The following DMD variants were observed in gnomAD, a reference collection of about 807,000 sequenced individuals.
The protein encoded by DMD is mutant dystrophin.
Under a neutral mutation model 330.1 loss-of-function variants are expected in DMD, and 63 were observed. The ratio of observed to expected loss-of-function variants is 0.19; its 90% confidence interval spans 0.16 to 0.24. The LOEUF (loss-of-function observed/expected upper bound fraction) is 0.24. Among genes scored for constraint, DMD ranks in the 10% least tolerant of loss-of-function variants. The pLI is 1.00. For missense variants in DMD, 3,344 were observed against 2,684.1 expected (o/e 1.25, Z -5.43); for synonymous variants, 1,223 against 959.8 (o/e 1.27, Z -5.07).
At chrX:31,187,752 AGAGAGAGAGAGAGAGAGAG>A in intron 67 of DMD, among the ~76,000 whole-genome samples, 1 of 76,336 alleles carries the variant, frequency 1.3e-5, no homozygotes, top group Non-Finnish European at 2.7e-5. Flanking sequence ...AGAGAGAGAG[AGAGAGAGAGAGAGAGAGAG>A]AGAGAGAGAG....
chrX:32,798,070 T>G (rs2076301970), intron 7 of DMD, among the ~76,000 whole-genome samples: 1 of 111,759 alleles, frequency 8.9e-6, no homozygotes, highest in Admixed American at 9.5e-5. Context: ...TTCCATAAAG[T>G]TAAAATGGTG....
intron 1 of DMD, among the ~76,000 whole-genome samples, chrX:33,319,841 A>C (rs903498115): frequency 9.0e-6 from 1 of 111,629 alleles, no homozygotes; most frequent in African/African-American, 3.3e-5. Context: ...GTAATACTCC[A>C]TTAAGGTAAG....
chrX:31,242,262 C>CAAAAAAAAAAAAA lies in DMD; in HGVS notation c.9286+18680_9286+18692dup, dbSNP rs72176984. 7.3e-4 allele frequency among the ~76,000 whole-genome samples: 18 copies of CAAAAAAAAAAAAA among 24,649 alleles called. 3 individuals are homozygous for CAAAAAAAAAAAAA. Among genetic ancestry groups the CAAAAAAAAAAAAA allele is most frequent in the Non-Finnish European group, 9.2e-4 (12 of 13,011 alleles). 21.4% of individuals were successfully genotyped at this position (24,649 alleles called of 115,157 possible). ...CAAAGTGAGACCCTGTCTCAAAAAG[C>CAAAAAAAAAAAAA]AAAAAAAAAAAAAAAAAAAAAAAAA... On this transcript the variant is annotated intron_variant, in intron 63 of 78. Transcript: ENST00000357033.
At chrX:32,370,696 A>T (rs911029609) in intron 34 of DMD, among the ~76,000 whole-genome samples, 13 of 110,939 alleles carry the variant, frequency 1.2e-4, no homozygotes, top group Non-Finnish European at 1.9e-5. Context: ...TTAAAAAAAA[A>T]AGATACGTAA....
intron 1 of DMD, among the ~76,000 whole-genome samples, chrX:33,153,351 C>A (rs949622640): frequency 8.9e-6 from 1 of 112,538 alleles, no homozygotes; most frequent in African/African-American, 3.2e-5. Context: ...GTGGAGGTTG[C>A]GGAGAGCCGA....
intron 74 of DMD, among the ~76,000 whole-genome samples, chrX:31,154,634 C>A (rs1161994734): frequency 9.0e-6 from 1 of 111,185 alleles, no homozygotes; most frequent in Non-Finnish European, 1.9e-5. Context: ...GTTTTAACAG[C>A]TGTCAATTAT....
At chrX:32,700,626 C>T (rs959530649) in intron 7 of DMD, among the ~76,000 whole-genome samples, 5 of 111,220 alleles carry the variant, frequency 4.5e-5, no homozygotes, top group Admixed American at 9.6e-5. Flanking sequence ...CATTCCAGAA[C>T]GTATACATAT....
chrX:33,125,198 A>T (rs1363852216), intron 1 of DMD, among the ~76,000 whole-genome samples: 2 of 110,646 alleles, frequency 1.8e-5, no homozygotes, highest in Non-Finnish European at 3.8e-5. Flanking sequence ...TAAAGATTAG[A>T]AATATGGTAC....
At chrX:32,134,714 T>C (rs1006335239) in intron 44 of DMD, among the ~76,000 whole-genome samples, 2 of 111,969 alleles carry the variant, frequency 1.8e-5, no homozygotes, top group Non-Finnish European at 3.8e-5. Flanking sequence ...GGTTACTTCA[T>C]GGGAACCAGA....
At chrX:31,889,647 T>TCTCTCTCA (rs796563415) in intron 47 of DMD, among the ~76,000 whole-genome samples, 60 of 71,586 alleles carry the variant, frequency 8.4e-4, no homozygotes, top group Middle Eastern at 7.3e-3. Flanking sequence ...TCTCTCTCTC[T>TCTCTCTCA]CACACACACA....
intron 44 of DMD, among the ~76,000 whole-genome samples, chrX:32,008,437 T>C (rs1447688193): frequency 9.0e-6 from 1 of 111,427 alleles, no homozygotes; most frequent in Non-Finnish European, 1.9e-5. Context: ...GTAGTACCTA[T>C]TTTACAGGTG....
chrX:32,781,674 T>G (rs2074775967), intron 7 of DMD, among the ~76,000 whole-genome samples: 1 of 110,262 alleles, frequency 9.1e-6, no homozygotes, highest in South Asian at 3.9e-4. Flanking sequence ...CCAGACATAC[T>G]ACATTCGTCT....
intron 44 of DMD, among the ~76,000 whole-genome samples, chrX:32,199,622 T>G (rs1219719619): frequency 1.8e-5 from 2 of 109,053 alleles, no homozygotes; most frequent in Non-Finnish European, 3.8e-5. Flanking sequence ...TTCTTTCTTT[T>G]CTTTTTTTTT....
chrX:31,905,571 G>A (rs888423887), intron 47 of DMD, among the ~76,000 whole-genome samples: 1 of 110,185 alleles, frequency 9.1e-6, no homozygotes, highest in African/African-American at 3.3e-5. Flanking sequence ...AGCAAAAGAT[G>A]AAGAGGGAGA....
chrX:31,351,725 C>CAAAAAAAAAAAAAAAAAAAAAAAAAAAA (rs3061693), intron 60 of DMD, among the ~76,000 whole-genome samples: 16 of 53,027 alleles, frequency 3.0e-4, no homozygotes, highest in African/African-American at 1.3e-3. Context: ...GACTCCATCT[C>CAAAAAAAAAAAAAAAAAAAAAAAAAAAA]AAAAAAAAAA....
chrX:32,999,346 T>C (rs1019672887), intron 2 of DMD, among the ~76,000 whole-genome samples: 1 of 111,828 alleles, frequency 8.9e-6, no homozygotes, highest in Non-Finnish European at 1.9e-5. Flanking sequence ...CTGTATTTAA[T>C]GTGTGGCCCA....
chrX:32,664,291 G>A (rs112182385), intron 9 of DMD, among the ~76,000 whole-genome samples: 2 of 102,062 alleles, frequency 2.0e-5, no homozygotes, highest in East Asian at 6.1e-4. Flanking sequence ...ACCCAGGCTG[G>A]AGTGCAGTAG....
At position 32,865,928 on chromosome X, in the gene DMD, T is replaced by C. The variant is rs185549562; in HGVS notation, c.94-16108A>G. On this transcript the variant is annotated intron_variant, in intron 2 of 78. Coordinates refer to ENST00000357033, the MANE Select transcript of DMD (RefSeq NM_004006.3). ...CAATGTAGCATTGCTGTTCTTCTCA[T>C]GAAAAGTTGGTATCTATTTCCCTGC... Among the ~76,000 whole-genome samples the C allele has an allele frequency of 2.0e-4, 23 of 112,415 alleles. No individual in the cohort carries two copies. In the East Asian group the frequency reaches 6.2e-3, roughly 30 times the overall value.
intron 53 of DMD, among the ~76,000 whole-genome samples, chrX:31,676,320 G>A (rs1005000823): frequency 8.9e-6 from 1 of 112,255 alleles, no homozygotes; most frequent in Admixed American, 9.4e-5. Flanking sequence ...TAGTAGTGAT[G>A]ACACATTCGA....
Sources: gnomAD v4.1 joint callset for allele counts (sites outside exome capture counted in the v4.1 genomes callset) on GRCh38, gnomAD v4.1.1 for gene constraint, MANE v1.5 for transcripts, NCBI Gene and HGNC (gene_info 2026-07-23, HGNC 2026-07-21) for gene names.